Variants in IMMP2L observed in about 807,000 individuals in gnomAD.
IMMP2L encodes mitochondrial inner membrane protease subunit 2.
IMMP2L carries 18 observed loss-of-function variants against 19.3 expected under a neutral mutation model. That is an observed-to-expected ratio of 0.93 (90% confidence interval 0.64 to 1.38). The LOEUF (loss-of-function observed/expected upper bound fraction) is 1.38. Among genes scored for constraint, IMMP2L ranks in the 40% most tolerant of loss-of-function variants. IMMP2L has a pLI of 0.00. For missense variants in IMMP2L, 233 were observed against 218.2 expected, an observed-to-expected ratio of 1.07 and a Z score of -0.43; for synonymous variants, 76 against 73.0, an observed-to-expected ratio of 1.04 and a Z score of -0.21.
chr7:110,826,260 A>G (rs1245359774), intron 5 of IMMP2L, among the ~76,000 whole-genome samples: 2 of 152,186 alleles, frequency 1.3e-5, no homozygotes, highest in African/African-American at 2.4e-5. Flanking sequence ...TAGTTCAACC[A>G]TTGTGGAAGT....
At chr7:110,953,239 T>C (rs142924309) in intron 4 of IMMP2L, among the ~76,000 whole-genome samples, 1,818 of 152,210 alleles carry the variant, frequency 0.012, 33 homozygotes, top group African/African-American at 0.04. Context: ...CATAGGTATA[T>C]ACATGCCATG....
At chr7:111,481,141 T>C (rs1842149309) in intron 3 of IMMP2L, among the ~76,000 whole-genome samples, 1 of 152,162 alleles carries the variant, frequency 6.6e-6, no homozygotes, top group Non-Finnish European at 1.5e-5. Flanking sequence ...TGCTGTATTA[T>C]GCACACTGTA....
intron 3 of IMMP2L, among the ~76,000 whole-genome samples, chr7:110,964,299 A>G (rs1819298447): frequency 6.6e-6 from 1 of 152,082 alleles, no homozygotes; most frequent in Non-Finnish European, 1.5e-5. Flanking sequence ...TTTCTTTAAA[A>G]TGATAACATA....
At position 110,925,177 on chromosome 7, in the gene IMMP2L, G is replaced by A. The variant is rs143354564; in HGVS notation, c.305+38323C>T. On this transcript the variant is annotated intron_variant, in intron 4 of 5. Coordinates refer to ENST00000405709, the MANE Select transcript of IMMP2L (RefSeq NM_032549.4). ...ATATGGATATAGAAATATGGATATA[G>A]CTTTTATATTTCTATACGGATATAC... Among the ~76,000 whole-genome samples the A allele has an allele frequency of 4.9e-3, 743 of 152,190 alleles. 30 individuals are homozygous for A. Among genetic ancestry groups the A allele is most frequent in the Admixed American group, 0.044 (676 of 15,270 alleles).
At chr7:111,315,084 G>A (rs1477300697) in intron 3 of IMMP2L, among the ~76,000 whole-genome samples, 3 of 152,070 alleles carry the variant, frequency 2.0e-5, no homozygotes, top group Non-Finnish European at 4.4e-5. Context: ...CTTTTAAGGT[G>A]GCCCTCCCCC....
At chr7:110,961,025 T>C (rs1269391408) in intron 4 of IMMP2L, among the ~76,000 whole-genome samples, 1 of 151,792 alleles carries the variant, frequency 6.6e-6, no homozygotes, top group Non-Finnish European at 1.5e-5. Context: ...ATAAAAAATA[T>C]TCACAATACC....
chr7:110,861,860 A>T (rs1807461736), intron 5 of IMMP2L, among the ~76,000 whole-genome samples: 1 of 152,122 alleles, frequency 6.6e-6, no homozygotes, highest in Non-Finnish European at 1.5e-5. Context: ...CAATCTGTTT[A>T]CCAAATATGT....
intron 5 of IMMP2L, among the ~76,000 whole-genome samples, chr7:110,773,475 A>G (rs180703670): frequency 6.6e-6 from 1 of 152,270 alleles, no homozygotes; most frequent in East Asian, 1.9e-4. Flanking sequence ...TCCTGTCTAG[A>G]ACATTAAAAA....
intron 3 of IMMP2L, among the ~76,000 whole-genome samples, chr7:111,022,342 C>T (rs1331156928): frequency 6.6e-6 from 1 of 152,232 alleles, no homozygotes; most frequent in East Asian, 1.9e-4. Flanking sequence ...GAACGAAGTG[C>T]CCCCATCAAT....
intron 3 of IMMP2L, among the ~76,000 whole-genome samples, chr7:111,152,878 T>G (rs1804232874): frequency 1.3e-5 from 2 of 152,160 alleles, no homozygotes; most frequent in South Asian, 4.1e-4. Context: ...TTCCAGAACT[T>G]AGGACAGTGC....
At chr7:111,502,708 T>C (rs932067284) in intron 2 of IMMP2L, among the ~76,000 whole-genome samples, 4 of 151,038 alleles carry the variant, frequency 2.6e-5, no homozygotes, top group Non-Finnish European at 5.9e-5. Flanking sequence ...AACAACCTGC[T>C]CCTGAATGAC....
intron 3 of IMMP2L, among the ~76,000 whole-genome samples, chr7:111,333,428 T>C (rs1262189563): frequency 1.3e-5 from 2 of 152,078 alleles, no homozygotes; most frequent in African/African-American, 2.4e-5. Flanking sequence ...ATAGTTTTAT[T>C]ATGTTAGGCA....
chr7:110,785,485 G>A (rs1263822230), intron 5 of IMMP2L, among the ~76,000 whole-genome samples: 1 of 151,828 alleles, frequency 6.6e-6, no homozygotes, highest in Non-Finnish European at 1.5e-5. Flanking sequence ...AATGAGCTTG[G>A]AGAGCAAAAA....
chr7:111,404,616 A>G (rs1197524540), intron 3 of IMMP2L, among the ~76,000 whole-genome samples: 1 of 152,100 alleles, frequency 6.6e-6, no homozygotes, highest in Non-Finnish European at 1.5e-5. Flanking sequence ...TCTATAAACT[A>G]TACTTTTTAT....
chr7:111,509,908 C>T (rs576945586), intron 2 of IMMP2L, among the ~76,000 whole-genome samples: 70 of 152,226 alleles, frequency 4.6e-4, no homozygotes, highest in South Asian at 3.3e-3. Context: ...GAAGAAATTT[C>T]ATATGCATTT....
At chr7:111,108,841 A>T (rs2129582409) in intron 3 of IMMP2L, among the ~76,000 whole-genome samples, 1 of 152,308 alleles carries the variant, frequency 6.6e-6, no homozygotes, top group African/African-American at 2.4e-5. Context: ...AATGTATAAT[A>T]AGATGGAAAT....
At chr7:110,700,708 G>A (rs1348269598) in intron 5 of IMMP2L, among the ~76,000 whole-genome samples, 2 of 152,120 alleles carry the variant, frequency 1.3e-5, no homozygotes, top group Admixed American at 6.6e-5. Context: ...TTGGATATTG[G>A]ACTTTCTTAC....
intron 5 of IMMP2L, among the ~76,000 whole-genome samples, chr7:110,672,330 A>G (rs1487052247): frequency 1.3e-5 from 2 of 151,994 alleles, no homozygotes; most frequent in East Asian, 3.9e-4. Context: ...TGATTCAATT[A>G]CCTCCTACTA....
At chr7:110,820,108 C>T (rs1043210202) in intron 5 of IMMP2L, among the ~76,000 whole-genome samples, 1 of 151,990 alleles carries the variant, frequency 6.6e-6, no homozygotes, top group Non-Finnish European at 1.5e-5. Context: ...CCACCTAACT[C>T]CTAAAATAGA....
Sources: allele counts gnomAD v4.1 joint callset (sites outside exome capture counted in the v4.1 genomes callset), GRCh38; gene constraint gnomAD v4.1.1; transcripts MANE v1.5; gene names NCBI Gene and HGNC (gene_info 2026-07-23, HGNC 2026-07-21).